SFXN2: variants seen among roughly 807,000 people sequenced by gnomAD.
The protein encoded by SFXN2 is sideroflexin 2.
Under a neutral mutation model 41.9 loss-of-function variants are expected in SFXN2, and 37 were observed. The ratio of observed to expected loss-of-function variants is 0.88; its 90% CI spans 0.68 to 1.16. SFXN2 has a LOEUF of 1.16. Ranked by LOEUF, SFXN2 falls within the 50% of genes most tolerant of loss-of-function variation. SFXN2 has a pLI of 0.00. For synonymous variants in SFXN2, 150 were observed against 156.7 expected (o/e 0.96, Z 0.32); for missense variants, 386 against 425.2 (o/e 0.91, Z 0.81).
rs535226701 is a variant in SFXN2 at position 102,729,789 on chromosome 10, A to G, written c.574A>G (p.Ile192Val). The change falls in exon 6 of 12, where the codon ATC becomes GTC. Residue 192 changes from isoleucine (I) to valine (V), a missense_variant. Physicochemically the swap from Ile to Val is conservative, Grantham distance 29. Transcript: ENST00000369893. ...TGTGGCTGCGGCTAACTGTGTCAAT[A>G]TCCCCATGATGCGACAGCAGTGAGT... ...AAVAAANCVN[I>V]PMMRQQELIK... 1 of 1,614,034 alleles carries G rather than the reference A, an allele frequency of 6.2e-7. No homozygotes were observed. The highest frequency in any genetic ancestry group is 1.7e-5 in the Admixed American group (1 of 60,014).
In SFXN2 at chr10:102,728,510, G is replaced by C. The variant is rs778614592; in HGVS notation, c.412G>C (p.Ala138Pro). 6.2e-7 allele frequency: 1 copy of C among 1,613,792 alleles called. No individual in the cohort carries two copies. Among genetic ancestry groups the C allele is most frequent in the Admixed American group, 1.7e-5 (1 of 59,994 alleles). The change falls in exon 4 of 12, where the codon GCT (alanine) becomes CCT (proline). Residue 138 changes from alanine to proline, a missense_variant. Ala to Pro is a conservative substitution (Grantham distance 27, BLOSUM62 -1). Coordinates refer to ENST00000369893, the MANE Select transcript of SFXN2 (RefSeq NM_178858.6). Reference protein sequence around the residue: ...ALVNYTNRNAASPTSVRQMAL... With the variant: ...ALVNYTNRNAPSPTSVRQMAL... ...AGTCAACTACACCAACAGGAATGCG[G>C]CTTCCCCCACATCAGTCAGGTAGGA...
At chr10:102,729,570 C>A (rs2136049698) in intron 5 of SFXN2, 153 bp from the exon 6 acceptor site, 2 of 1,105,620 alleles carry the variant, frequency 1.8e-6, no homozygotes, top group South Asian at 1.5e-5. Context: ...TCTTCTTGGG[C>A]CTTTGAGGGA....
chr10:102,719,651 C>T (rs1000547618), intron 1 of SFXN2, among the ~76,000 whole-genome samples: 1 of 152,126 alleles, frequency 6.6e-6, no homozygotes, highest in Non-Finnish European at 1.5e-5. Context: ...TCAGTTTTTT[C>T]CTTCTAGCTC....
At chr10:102,729,549 C>A in intron 5 of SFXN2, 155 bp downstream of exon 5, 1 of 1,112,192 alleles carries the variant, frequency 9.0e-7, no homozygotes, top group East Asian at 2.5e-5. Context: ...CAGGGCCGTC[C>A]CCAGGTTGGT....
intron 11 of SFXN2, among the ~76,000 whole-genome samples, 180 bp from the exon 12 acceptor site, chr10:102,737,483 C>G (rs897422528): frequency 6.6e-6 from 1 of 152,128 alleles, no homozygotes; most frequent in African/African-American, 2.4e-5. Context: ...AACGAAGAAC[C>G]ATAGCCCAAG....
intron 1 of SFXN2, among the ~76,000 whole-genome samples, chr10:102,719,092 T>A (rs2064463411): frequency 1.4e-5 from 2 of 145,292 alleles, no homozygotes; most frequent in Non-Finnish European, 3.0e-5. Context: ...CCCGGCTAAT[T>A]TTTTGTATTT....
chr10:102,722,853 G>A (rs1022437308), intron 1 of SFXN2, among the ~76,000 whole-genome samples: 1 of 149,670 alleles, frequency 6.7e-6, no homozygotes, highest in Non-Finnish European at 1.5e-5. Flanking sequence ...CTGACCAGAA[G>A]AACTTCTTTT....
intron 5 of SFXN2, 83 bp downstream of exon 5, chr10:102,729,477 TC>T: frequency 6.7e-7 from 1 of 1,502,824 alleles, no homozygotes; most frequent in Non-Finnish European, 9.1e-7. Context: ...CAGGGACAGT[TC>T]CCCAGGCTGG....
At chr10:102,731,925 A>G in intron 7 of SFXN2, 142 bp downstream of exon 7, 1 of 814,296 alleles carries the variant, frequency 1.2e-6, no homozygotes. Flanking sequence ...AATTTTCCCC[A>G]TGTTTCTCTG....
intron 10 of SFXN2, 34 bp from the exon 11 acceptor site, chr10:102,735,828 G>A (rs1392903889): frequency 6.2e-7 from 1 of 1,611,964 alleles, no homozygotes; most frequent in East Asian, 2.2e-5. Flanking sequence ...GTGGGGAGAT[G>A]TCCCCTGATG....
Position 102,733,571 on chromosome 10 carries a change from C to T in SFXN2, c.789C>T (p.His263=), listed in dbSNP as rs142944389. 1,757 of 1,613,864 alleles carry T rather than the reference C, an allele frequency of 1.1e-3. 32 individuals are homozygous for T. The South Asian group carries it at 0.012, about 11-fold the overall frequency. The change falls in exon 10 of 12, where the codon CAC becomes CAT. Residue 263 remains histidine (H), a synonymous_variant. Coordinates refer to ENST00000369893, the MANE Select transcript of SFXN2 (RefSeq NM_178858.6). ...LHFMQKVKVL[H]APLQVMLSGC... ...TTATACAGAAAGTCAAGGTCCTGCA[C>T]GCCCCATTGCAGGTCATGCTGAGCG...
At position 102,743,219 on chromosome 10, in the gene SFXN2, A is replaced by C. The variant is rs1422774812; in HGVS notation, c.*5457A>C. The C allele has an allele frequency of 6.6e-6, 1 of 152,348 alleles. No individual in the cohort carries two copies. The highest frequency in any genetic ancestry group is 2.4e-5 in the African/African-American group (1 of 41,466). The allele number at this position is 152,348 out of a possible 1,614,324, so 9.4% of individuals were successfully genotyped here. On this transcript the variant is annotated 3_prime_UTR_variant, in exon 12 of 12. Transcript: ENST00000369893. ...GGAAATTTGAGAGGAAGAATTGTCA[A>C]CTTGCAGGGCAGCAGGGAAGCCATT...
intron 1 of SFXN2, among the ~76,000 whole-genome samples, chr10:102,723,321 G>C (rs61869214): frequency 6.6e-6 from 1 of 151,180 alleles, no homozygotes; most frequent in Non-Finnish European, 1.5e-5. Flanking sequence ...GCGTGATCTC[G>C]GCTCACTGCA....
At chr10:102,722,869 CT>C (rs2064528521) in intron 1 of SFXN2, among the ~76,000 whole-genome samples, 2 of 149,298 alleles carry the variant, frequency 1.3e-5, no homozygotes, top group Admixed American at 6.7e-5. Flanking sequence ...CTTTTAACAT[CT>C]TGTAAGTCAG....
chr10:102,721,759 G>A (rs1035889972), intron 1 of SFXN2, among the ~76,000 whole-genome samples: 1 of 152,002 alleles, frequency 6.6e-6, no homozygotes, highest in African/African-American at 2.4e-5. Context: ...GGAGGCCAAG[G>A]CAGGCAGATT....
chr10:102,738,794 G>T lies in SFXN2; in HGVS notation c.*1032G>T, dbSNP rs1025628359. The T allele has an allele frequency of 6.6e-6, 1 of 152,610 alleles. No homozygotes were observed. The highest frequency in any genetic ancestry group is 2.4e-5 in the African/African-American group (1 of 41,450). The allele number at this position is 152,610 out of a possible 1,614,324, so 9.5% of individuals were successfully genotyped here. A position where few individuals can be genotyped will look rare whatever the true frequency, so the allele number is the denominator to read the frequency against. Reference sequence around the variant, plus strand: ...CACATACCTCTGTTTTAAAAGATAAGTCCACTAACTGTGAGTAAAAATGAT... The same window carrying T: ...CACATACCTCTGTTTTAAAAGATAATTCCACTAACTGTGAGTAAAAATGAT... On this transcript the variant is annotated 3_prime_UTR_variant, in exon 12 of 12. Coordinates refer to ENST00000369893, the MANE Select transcript of SFXN2 (RefSeq NM_178858.6).
At chr10:102,723,156 G>A (rs1329350207) in intron 1 of SFXN2, among the ~76,000 whole-genome samples, 3 of 151,958 alleles carry the variant, frequency 2.0e-5, no homozygotes, top group African/African-American at 7.2e-5. Context: ...ATGTTGGCCA[G>A]GCTGGTCTCA....
intron 4 of SFXN2, 51 bp downstream of exon 4, chr10:102,728,580 T>C: frequency 6.6e-7 from 1 of 1,511,038 alleles, no homozygotes; most frequent in African/African-American, 1.4e-5. Context: ...CGAACAGCTT[T>C]TCTAAAGGGT....
At chr10:102,717,215 T>G (rs2064429658) in intron 1 of SFXN2, among the ~76,000 whole-genome samples, 1 of 132,406 alleles carries the variant, frequency 7.6e-6, no homozygotes, top group South Asian at 2.5e-4. Flanking sequence ...CACTACAACC[T>G]CCGCCTCCCG....
Sources: gnomAD v4.1 joint callset for allele counts (sites outside exome capture counted in the v4.1 genomes callset) on GRCh38, gnomAD v4.1.1 for gene constraint, MANE v1.5 for transcripts, NCBI Gene and HGNC (gene_info 2026-07-23, HGNC 2026-07-21) for gene names.